CRACD: variants seen among roughly 807,000 people sequenced by gnomAD.
CRACD encodes the protein capping protein inhibiting regulator of actin dynamics.
Under a neutral mutation model 106.8 loss-of-function variants are expected in CRACD, and 56 were observed. That is an observed-to-expected ratio of 0.52 (90% CI 0.42 to 0.66). The LOEUF (loss-of-function observed/expected upper bound fraction) is 0.66, where lower values mean the gene tolerates loss of function less well. Among genes scored for constraint, CRACD ranks in the 30% least tolerant of loss-of-function variants. The pLI is 0.00. For missense variants in CRACD, 1,730 were observed against 1,623.2 expected (o/e 1.07, Z -1.13); for synonymous variants, 754 against 670.8 (o/e 1.12, Z -1.92).
At chr4:56,231,888 G>A (rs1739642574) in intron 2 of CRACD, among the ~76,000 whole-genome samples, 1 of 152,168 alleles carries the variant, frequency 6.6e-6, no homozygotes, top group African/African-American at 2.4e-5. Context: ...TTATATACAA[G>A]CAGCTATAAA....
At position 56,132,362 on chromosome 4, in the gene CRACD, A is replaced by G. The variant is rs114772691; in HGVS notation, c.-335-46922A>G. Among the ~76,000 whole-genome samples the G allele has an allele frequency of 6.5e-3, 983 of 152,042 alleles. 14 individuals are homozygous for G. The highest frequency in any genetic ancestry group is 0.023 in the African/African-American group (944 of 41,478). ...GCCAATAATTTTGTTTTCTTTTAAG[A>G]CAGGGTCTCACTCTATTGCCCAGTC... On this transcript the variant is annotated intron_variant, in intron 1 of 10. Transcript: ENST00000682029.
At chr4:56,097,132 G>A (rs1219927453) in intron 1 of CRACD, among the ~76,000 whole-genome samples, 1 of 152,208 alleles carries the variant, frequency 6.6e-6, no homozygotes, top group Non-Finnish European at 1.5e-5. Flanking sequence ...AGTGATAGGA[G>A]GGAAGGCAGA....
chr4:56,221,509 C>T (rs1296062107), intron 2 of CRACD, among the ~76,000 whole-genome samples: 1 of 151,908 alleles, frequency 6.6e-6, no homozygotes, highest in Non-Finnish European at 1.5e-5. Flanking sequence ...ATAAATGGGA[C>T]ATAATTAAAC....
intron 2 of CRACD, among the ~76,000 whole-genome samples, chr4:56,252,871 C>T (rs1004749398): frequency 2.0e-5 from 3 of 152,172 alleles, no homozygotes; most frequent in Non-Finnish European, 2.9e-5. Context: ...AAGAGTAGAA[C>T]CTCAGGACTT....
intron 1 of CRACD, among the ~76,000 whole-genome samples, chr4:56,134,216 A>AG (rs1291048796): frequency 6.6e-6 from 1 of 150,696 alleles, no homozygotes. Context: ...AAAAAAAAAA[A>AG]GAAATCGACT....
chr4:56,073,590 A>G (rs1200604220), intron 1 of CRACD, among the ~76,000 whole-genome samples: 1 of 152,006 alleles, frequency 6.6e-6, no homozygotes, highest in Non-Finnish European at 1.5e-5. Flanking sequence ...TTCCTTGTAG[A>G]TTCTGCGTAT....
At position 56,236,901 on chromosome 4, in the gene CRACD, C is replaced by T. The variant is rs182811254; in HGVS notation, c.-188-35420C>T. Among the ~76,000 whole-genome samples the T allele has an allele frequency of 9.0e-4, 137 of 152,282 alleles. 2 individuals are homozygous for T. In the South Asian group the frequency reaches 0.012, roughly 13 times the overall value. On this transcript the variant is annotated intron_variant, in intron 2 of 10. Coordinates refer to ENST00000682029, the MANE Select transcript of CRACD (RefSeq NM_001393381.1). ...TTTCCACCAATCAGAGATGGAGAGG[C>T]ATGTGTTGTTGGTGAAGATTCAGAG...
chr4:56,287,915 C>T (rs1743463379), intron 3 of CRACD, among the ~76,000 whole-genome samples: 1 of 152,182 alleles, frequency 6.6e-6, no homozygotes, highest in Non-Finnish European at 1.5e-5. Context: ...CCCTGTAAAC[C>T]TCTGTGAGTT....
At chr4:56,238,363 A>G (rs1033569939) in intron 2 of CRACD, among the ~76,000 whole-genome samples, 1 of 152,226 alleles carries the variant, frequency 6.6e-6, no homozygotes, top group African/African-American at 2.4e-5. Flanking sequence ...TGGCTTCAGG[A>G]TAGCTGGACT....
At chr4:56,252,504 C>T (rs1741113014) in intron 2 of CRACD, among the ~76,000 whole-genome samples, 1 of 152,200 alleles carries the variant, frequency 6.6e-6, no homozygotes, top group South Asian at 2.1e-4. Context: ...CCAGTGCCAG[C>T]TCAAGGCTAT....
At chr4:56,324,295 T>C in intron 10 of CRACD, 29 bp downstream of exon 10, 1 of 1,594,918 alleles carries the variant, frequency 6.3e-7, no homozygotes, top group South Asian at 1.1e-5. Flanking sequence ...GCTTTGTAAC[T>C]GTAGTTCCAG....
chr4:56,303,250 C>G lies in CRACD; in HGVS notation c.121-4285C>G, dbSNP rs181406547. On this transcript the variant is annotated intron_variant, in intron 4 of 10. Transcript: ENST00000682029. ...ATCCCAGCTACTCGGGAGGCTGAGGCAGGAGAATCGCTTGAACCCCAGAGG... is the reference window on the plus strand; with the variant it reads ...ATCCCAGCTACTCGGGAGGCTGAGGGAGGAGAATCGCTTGAACCCCAGAGG... Among the ~76,000 whole-genome samples the G allele has an allele frequency of 5.7e-3, 863 of 151,854 alleles. 29 individuals carry two copies. Among genetic ancestry groups the G allele is most frequent in the Admixed American group, 0.049 (752 of 15,216 alleles).
intron 1 of CRACD, among the ~76,000 whole-genome samples, chr4:56,114,926 T>G (rs921054466): frequency 3.9e-5 from 6 of 152,192 alleles, no homozygotes; most frequent in Non-Finnish European, 8.8e-5. Flanking sequence ...TATTTATTAT[T>G]CCAAGCAATT....
intron 3 of CRACD, among the ~76,000 whole-genome samples, chr4:56,292,955 A>G (rs1298691660): frequency 6.6e-6 from 1 of 152,226 alleles, no homozygotes; most frequent in Non-Finnish European, 1.5e-5. Flanking sequence ...AGTTTCAGAT[A>G]GACTTTCAAA....
chr4:56,114,825 A>G (rs1027139284), intron 1 of CRACD, among the ~76,000 whole-genome samples: 1 of 152,178 alleles, frequency 6.6e-6, no homozygotes. Context: ...CATATGCAGT[A>G]TACTGTGTCA....
intron 2 of CRACD, among the ~76,000 whole-genome samples, chr4:56,186,276 A>G (rs1216979319): frequency 6.6e-6 from 1 of 152,238 alleles, no homozygotes; most frequent in East Asian, 1.9e-4. Context: ...GGTTCAGCAA[A>G]TGCAACCTGT....
intron 7 of CRACD, 35 bp downstream of exon 7, chr4:56,313,414 G>T (rs763519768): frequency 1.8e-5 from 29 of 1,582,088 alleles, no homozygotes; most frequent in Non-Finnish European, 2.5e-5. Context: ...CCAGGCAGGT[G>T]CCCTTGCCTA....
intron 1 of CRACD, among the ~76,000 whole-genome samples, chr4:56,112,248 A>G (rs1734144830): frequency 6.6e-6 from 1 of 152,202 alleles, no homozygotes; most frequent in South Asian, 2.1e-4. Flanking sequence ...CATTTATAGC[A>G]GGGAACCAAG....
intron 2 of CRACD, among the ~76,000 whole-genome samples, chr4:56,213,212 C>T (rs531757506): frequency 8.5e-5 from 13 of 152,146 alleles, no homozygotes; most frequent in African/African-American, 2.6e-4. Context: ...TTTGGGAGGC[C>T]GAGGCAGGTG....
Sources: gnomAD v4.1 joint callset for allele counts (sites outside exome capture counted in the v4.1 genomes callset) on GRCh38, gnomAD v4.1.1 for gene constraint, MANE v1.5 for transcripts, NCBI Gene and HGNC (gene_info 2026-07-23, HGNC 2026-07-21) for gene names.